GOT1: variants seen among roughly 807,000 people sequenced by gnomAD.
The protein encoded by GOT1 is aspartate aminotransferase, cytoplasmic.
A neutral mutation model predicts 48.2 loss-of-function variants in GOT1; 25 were observed. That is an observed-to-expected ratio of 0.52 (90% confidence interval 0.38 to 0.72). The LOEUF (loss-of-function observed/expected upper bound fraction) is 0.72, where lower values mean the gene tolerates loss of function less well. GOT1 is among the 30% of genes least tolerant of loss of function. GOT1 has a pLI of 0.00. For missense variants in GOT1, 380 were observed against 520.1 expected (o/e 0.73, Z 2.62); for synonymous variants, 188 against 193.8 (o/e 0.97, Z 0.25).
At chr10:99,416,827 G>A (rs2032901355) in intron 2 of GOT1, among the ~76,000 whole-genome samples, 1 of 152,172 alleles carries the variant, frequency 6.6e-6, no homozygotes, top group Admixed American at 6.5e-5. Context: ...AAGAAATGGG[G>A]AAAGGATTCC....
intron 1 of GOT1, 125 bp downstream of exon 1, chr10:99,430,323 T>A (rs767609143): frequency 2.6e-5 from 42 of 1,601,510 alleles, no homozygotes; most frequent in Non-Finnish European, 3.6e-5. Context: ...TCCAGCCTCC[T>A]CTCCGGCGCC....
intron 2 of GOT1, among the ~76,000 whole-genome samples, chr10:99,415,251 A>G (rs113056767): frequency 7.2e-5 from 11 of 152,216 alleles, no homozygotes; most frequent in Admixed American, 1.3e-4. Flanking sequence ...AAAAAATGAT[A>G]AAGGGGATAT....
intron 1 of GOT1, among the ~76,000 whole-genome samples, chr10:99,429,993 A>G (rs192397711): frequency 6.6e-6 from 1 of 152,266 alleles, no homozygotes; most frequent in African/African-American, 2.4e-5. Context: ...AAGGTGGCTG[A>G]TTGATACTCG....
At chr10:99,414,979 A>G (rs939951379) in intron 2 of GOT1, among the ~76,000 whole-genome samples, 39 of 152,176 alleles carry the variant, frequency 2.6e-4, no homozygotes, top group African/African-American at 9.2e-4. Context: ...AATGCCCACA[A>G]GAGAAAGCAG....
intron 1 of GOT1, among the ~76,000 whole-genome samples, chr10:99,421,533 A>G (rs1222277617): frequency 6.6e-6 from 1 of 152,178 alleles, no homozygotes; most frequent in Non-Finnish European, 1.5e-5. Flanking sequence ...TCTATTTCAC[A>G]ATATTTGATC....
At chr10:99,430,196 C>T in intron 1 of GOT1, 1 of 1,008,182 alleles carries the variant, frequency 9.9e-7, no homozygotes, top group East Asian at 3.0e-5. Flanking sequence ...ATCGGAAAGA[C>T]TGAGTTTGTG....
Position 99,403,452 on chromosome 10 carries a change from G to T in GOT1, c.959+17C>A. 6.2e-7 allele frequency: 1 copy of T among 1,601,424 alleles called. No individual in the cohort carries two copies. Among genetic ancestry groups the T allele is most frequent in the South Asian group, 1.1e-5 (1 of 90,304 alleles). ...GCACTCCCCACCCCCCGGCCCACCA[G>T]ACTGGGAGCCCCTTACCATTCCTCA... On this transcript the variant is annotated intron_variant, in intron 7 of 8. Transcript: ENST00000370508.
chr10:99,424,050 G>T (rs942517434), intron 1 of GOT1, among the ~76,000 whole-genome samples: 1 of 152,114 alleles, frequency 6.6e-6, no homozygotes, highest in African/African-American at 2.4e-5. Flanking sequence ...GCTGGGATTT[G>T]GTCTGGCTTC....
At chr10:99,420,896 C>A in intron 1 of GOT1, 91 bp from the exon 2 acceptor site, 1 of 1,037,872 alleles carries the variant, frequency 9.6e-7, no homozygotes, top group Non-Finnish European at 1.4e-6. Context: ...ATCCCACCAC[C>A]TTCCGGTCAA....
intron 2 of GOT1, among the ~76,000 whole-genome samples, chr10:99,419,972 T>C (rs767822408): frequency 2.0e-5 from 3 of 152,108 alleles, no homozygotes; most frequent in Non-Finnish European, 2.9e-5. Flanking sequence ...ACAGACTATA[T>C]ACCAGGAAGC....
chr10:99,405,520 G>GACACACACACACACACACAC (rs138777645), intron 5 of GOT1, among the ~76,000 whole-genome samples: 1 of 143,500 alleles, frequency 7.0e-6, no homozygotes, highest in African/African-American at 2.6e-5. Flanking sequence ...CATAAAACTA[G>GACACACACACACACACACAC]ACACACACAC....
At chr10:99,409,077 C>A (rs1482092289) in intron 2 of GOT1, among the ~76,000 whole-genome samples, 1 of 151,856 alleles carries the variant, frequency 6.6e-6, no homozygotes, top group Non-Finnish European at 1.5e-5. Flanking sequence ...ATACTGTTTT[C>A]TCTACTTTCA....
chr10:99,408,307 T>C (rs1254086963), intron 2 of GOT1, among the ~76,000 whole-genome samples: 1 of 151,924 alleles, frequency 6.6e-6, no homozygotes, highest in Admixed American at 6.5e-5. Context: ...TGATTTTGCC[T>C]CTTCAAAATT....
intron 2 of GOT1, among the ~76,000 whole-genome samples, chr10:99,412,795 C>G (rs1310877291): frequency 6.6e-6 from 1 of 152,144 alleles, no homozygotes; most frequent in African/African-American, 2.4e-5. Context: ...CACCAATATT[C>G]CCCGTTCTGC....
At chr10:99,404,093 T>G (rs935472495) in intron 5 of GOT1, among the ~76,000 whole-genome samples, 1 of 152,202 alleles carries the variant, frequency 6.6e-6, no homozygotes, top group Non-Finnish European at 1.5e-5. Flanking sequence ...AAGTAAATTG[T>G]CCTAGAGTGT....
chr10:99,421,116 C>T (rs2032959888), intron 1 of GOT1, among the ~76,000 whole-genome samples: 1 of 152,150 alleles, frequency 6.6e-6, no homozygotes, highest in Non-Finnish European at 1.5e-5. Context: ...TGAGAAAGTA[C>T]ATAGAAAAGC....
intron 2 of GOT1, among the ~76,000 whole-genome samples, chr10:99,413,235 A>T (rs974425620): frequency 2.6e-5 from 4 of 152,218 alleles, no homozygotes; most frequent in African/African-American, 9.6e-5. Flanking sequence ...CAATGCAGAG[A>T]AGTACTTAAA....
intron 7 of GOT1, 31 bp downstream of exon 7, chr10:99,403,438 C>A: frequency 1.3e-6 from 2 of 1,580,822 alleles, no homozygotes; most frequent in Non-Finnish European, 1.7e-6. Flanking sequence ...CACTCCCCAC[C>A]CCCCGGCCCA....
chr10:99,412,166 A>C (rs1250739035), intron 2 of GOT1, among the ~76,000 whole-genome samples: 1 of 152,156 alleles, frequency 6.6e-6, no homozygotes, highest in Non-Finnish European at 1.5e-5. Context: ...GACAGGGCCC[A>C]GTAGGTCTAG....
Sources: allele counts gnomAD v4.1 joint callset (sites outside exome capture counted in the v4.1 genomes callset), GRCh38; gene constraint gnomAD v4.1.1; transcripts MANE v1.5; gene names NCBI Gene and HGNC (gene_info 2026-07-23, HGNC 2026-07-21).